Variants in S100Z observed in about 807,000 individuals in gnomAD.
S100Z encodes the protein protein S100-Z.
S100Z carries 11 observed loss-of-function variants against 8.5 expected under a neutral mutation model. The observed-to-expected ratio is 1.30, with a 90% CI of 0.82 to 2.15. The LOEUF (loss-of-function observed/expected upper bound fraction) is 2.15. Among genes scored for constraint, S100Z ranks in the 30% most tolerant of loss-of-function variants. S100Z has a pLI of 0.00. For missense variants in S100Z, 126 were observed against 117.9 expected (o/e 1.07, Z -0.32); for synonymous variants, 34 against 43.8 (o/e 0.78, Z 0.89).
chr5:76,910,694 C>A (rs1393002419), intron 4 of S100Z, among the ~76,000 whole-genome samples: 2 of 152,126 alleles, frequency 1.3e-5, no homozygotes, highest in Non-Finnish European at 2.9e-5. Context: ...CTGAGGGTGC[C>A]TGGGGCAAGC....
At chr5:76,933,500 A>G in the S100Z span, among the ~76,000 whole-genome samples, 3,571 of 152,264 alleles carry the variant, frequency 0.023, 134 homozygotes, top group African/African-American at 0.08. Flanking sequence ...GGCCCGTGAT[A>G]TGCTGCTGAA....
chr5:76,928,159 C>G, the S100Z span, among the ~76,000 whole-genome samples: 1 of 152,298 alleles, frequency 6.6e-6, no homozygotes, highest in African/African-American at 2.4e-5. Flanking sequence ...GGGTCTAGTT[C>G]ACTGTCATTT....
At chr5:76,873,892 T>G (rs548588418) in intron 2 of S100Z, among the ~76,000 whole-genome samples, 2 of 152,340 alleles carry the variant, frequency 1.3e-5, no homozygotes, top group South Asian at 4.1e-4. Flanking sequence ...GGAAATCTGT[T>G]GTGGATTCCT....
At chr5:76,936,328 G>A in the S100Z span, among the ~76,000 whole-genome samples, 1 of 151,860 alleles carries the variant, frequency 6.6e-6, no homozygotes. Context: ...AAATCATATT[G>A]CAAATTAGTA....
intron 4 of S100Z, among the ~76,000 whole-genome samples, chr5:76,920,484 G>A (rs1745004078): frequency 6.6e-6 from 1 of 152,192 alleles, no homozygotes; most frequent in Non-Finnish European, 1.5e-5. Context: ...TGCTTCGTCG[G>A]AATTTACCTG....
chr5:76,940,155 C>CAA, the S100Z span, among the ~76,000 whole-genome samples: 616 of 116,714 alleles, frequency 5.3e-3, 5 homozygotes, highest in East Asian at 7.7e-3. Context: ...GACTCCATCT[C>CAA]AAAAAAAAAA....
chr5:76,933,926 A>G, the S100Z span, among the ~76,000 whole-genome samples: 3 of 152,178 alleles, frequency 2.0e-5, no homozygotes, highest in Non-Finnish European at 4.4e-5. Flanking sequence ...CCACTAGTCT[A>G]CTTTGTCTCT....
At chr5:76,859,768 C>CAATAAAAAAAA (rs1750998031) in intron 1 of S100Z, among the ~76,000 whole-genome samples, 1 of 97,664 alleles carries the variant, frequency 1.0e-5, no homozygotes, top group Non-Finnish European at 2.0e-5. Flanking sequence ...GCAACAGAGC[C>CAATAAAAAAAA]AAAAAAAAAA....
At chr5:76,856,579 C>T (rs1045257481) in intron 1 of S100Z, among the ~76,000 whole-genome samples, 1 of 152,162 alleles carries the variant, frequency 6.6e-6, no homozygotes, top group African/African-American at 2.4e-5. Flanking sequence ...CGCTTGCTGA[C>T]AAAAGTATTG....
At chr5:76,861,935 A>AT (rs920212484) in intron 1 of S100Z, among the ~76,000 whole-genome samples, 12 of 151,160 alleles carry the variant, frequency 7.9e-5, no homozygotes, top group African/African-American at 1.7e-4. Flanking sequence ...ATGGTTAGGG[A>AT]TTTTTTTTTC....
At chr5:76,934,716 A>G in the S100Z span, among the ~76,000 whole-genome samples, 2 of 152,230 alleles carry the variant, frequency 1.3e-5, no homozygotes, top group Non-Finnish European at 2.9e-5. Flanking sequence ...CCATCATGGA[A>G]GCAGAGAGCA....
chr5:76,851,682 G>C (rs1204675717), intron 1 of S100Z, among the ~76,000 whole-genome samples: 1 of 152,204 alleles, frequency 6.6e-6, no homozygotes, highest in African/African-American at 2.4e-5. Flanking sequence ...CTGTGGTTTG[G>C]AATCTGAGAC....
intron 1 of S100Z, among the ~76,000 whole-genome samples, chr5:76,861,664 C>T (rs1260165537): frequency 2.6e-5 from 4 of 152,234 alleles, no homozygotes; most frequent in African/African-American, 9.6e-5. Flanking sequence ...TTTATACCCC[C>T]GTCTCAGAAG....
At chr5:76,928,356 T>A in the S100Z span, among the ~76,000 whole-genome samples, 127,740 of 152,272 alleles carry the variant, frequency 0.84, 55,885 homozygotes, top group South Asian at 0.97. Flanking sequence ...GTAGAATCAA[T>A]TGTAAGTGCC....
chr5:76,902,372 T>C (rs560370605), intron 4 of S100Z, among the ~76,000 whole-genome samples: 2 of 152,322 alleles, frequency 1.3e-5, no homozygotes, highest in East Asian at 3.9e-4. Context: ...CTGAATTTGA[T>C]CCAGTTTTCC....
At chr5:76,862,808 C>T (rs141078940) in intron 1 of S100Z, among the ~76,000 whole-genome samples, 2,053 of 151,766 alleles carry the variant, frequency 0.014, 24 homozygotes, top group South Asian at 0.026. Context: ...GACCCCATCG[C>T]GAAACAACAA....
At chr5:76,857,287 T>C (rs1009398085) in intron 1 of S100Z, among the ~76,000 whole-genome samples, 5 of 151,466 alleles carry the variant, frequency 3.3e-5, no homozygotes, top group African/African-American at 1.2e-4. Flanking sequence ...CAAGACTCCA[T>C]CTCAAAAAAA....
chr5:76,895,862 A>C (rs1037181287), intron 4 of S100Z, among the ~76,000 whole-genome samples: 2 of 148,140 alleles, frequency 1.4e-5, no homozygotes, highest in African/African-American at 2.5e-5. Flanking sequence ...TCCCAGGTTC[A>C]AGTGACTCTC....
the S100Z span, among the ~76,000 whole-genome samples, chr5:76,932,494 C>T: frequency 1.3e-5 from 2 of 152,200 alleles, no homozygotes; most frequent in East Asian, 1.9e-4. Context: ...GCAAGGATTA[C>T]AGGCACCCGT....
Sources: gnomAD v4.1 joint callset for allele counts (sites outside exome capture counted in the v4.1 genomes callset) on GRCh38, gnomAD v4.1.1 for gene constraint, MANE v1.5 for transcripts, NCBI Gene and HGNC (gene_info 2026-07-23, HGNC 2026-07-21) for gene names.